PRELID2: variants seen among roughly 807,000 people sequenced by gnomAD.
The protein encoded by PRELID2 is PRELI domain containing 2.
Under a neutral mutation model 28.4 loss-of-function variants are expected in PRELID2, and 25 were observed. The ratio of observed to expected loss-of-function variants is 0.88; its 90% confidence interval spans 0.64 to 1.23. PRELID2 has a LOEUF of 1.23. PRELID2 is among the 50% of genes most tolerant of loss of function. The pLI is 0.00. For missense variants in PRELID2, 201 were observed against 214.4 expected (o/e 0.94, Z 0.39); for synonymous variants, 76 against 71.6 (o/e 1.06, Z -0.31).
chr5:145,724,157 C>T (rs1756065226), intron 1 of PRELID2, among the ~76,000 whole-genome samples: 1 of 152,050 alleles, frequency 6.6e-6, no homozygotes, highest in African/African-American at 2.4e-5. Context: ...AAATGGTTAT[C>T]GGCAGACTCG....
chr5:145,296,583 G>A, the PRELID2 span, among the ~76,000 whole-genome samples: 12 of 152,078 alleles, frequency 7.9e-5, no homozygotes, highest in African/African-American at 2.9e-4. Flanking sequence ...TCTTAATCCA[G>A]TCTATCATTG....
chr5:145,401,121 AC>A, the PRELID2 span, among the ~76,000 whole-genome samples: 1 of 152,174 alleles, frequency 6.6e-6, no homozygotes, highest in Non-Finnish European at 1.5e-5. Context: ...TTGAAGGGAT[AC>A]AGCCAAGAAC....
At chr5:145,257,304 T>A in the PRELID2 span, among the ~76,000 whole-genome samples, 8 of 150,360 alleles carry the variant, frequency 5.3e-5, no homozygotes, top group African/African-American at 2.0e-4. Flanking sequence ...GAATATTTTA[T>A]GAAAGTAGAT....
chr5:145,415,604 A>G, the PRELID2 span, among the ~76,000 whole-genome samples: 1 of 150,854 alleles, frequency 6.6e-6, no homozygotes, highest in African/African-American at 2.4e-5. Context: ...TACAAAGGAC[A>G]TGAACTCATC....
At chr5:145,613,653 C>A (rs1317066166) in intron 1 of PRELID2, among the ~76,000 whole-genome samples, 1 of 152,086 alleles carries the variant, frequency 6.6e-6, no homozygotes, top group African/African-American at 2.4e-5. Flanking sequence ...CTATTCTTAA[C>A]CCACTTCTTG....
In PRELID2 at chr5:145,692,232, T is replaced by C. The variant is rs1260263708; in HGVS notation, n.70+72699A>G. On this transcript the variant is annotated intron_variant and non_coding_transcript_variant, in intron 1 of 2. Coordinates refer to the PRELID2 transcript ENST00000510259. ...ACATAGTATGCTCAATTAATGCTTA[T>C]TGAGTTGATTGGTAAATAGATTTTA... is the stretch of plus-strand genomic sequence containing the variant. Among the ~76,000 whole-genome samples, 4 of 152,176 alleles carry C rather than the reference T, an allele frequency of 2.6e-5. No homozygotes were observed. The East Asian group carries it at 7.7e-4, about 29-fold the overall frequency.
At chr5:145,305,860 T>C in the PRELID2 span, among the ~76,000 whole-genome samples, 1 of 152,118 alleles carries the variant, frequency 6.6e-6, no homozygotes, top group African/African-American at 2.4e-5. Context: ...CTTCCCCACA[T>C]CTCTTACCCT....
the PRELID2 span, among the ~76,000 whole-genome samples, chr5:145,320,357 G>A: frequency 6.0e-5 from 9 of 150,920 alleles, no homozygotes; most frequent in Admixed American, 2.0e-4. Flanking sequence ...TGCAAGCTCC[G>A]CCTCACCGCT....
At chr5:145,565,994 G>A (rs757044206) in intron 1 of PRELID2, among the ~76,000 whole-genome samples, 10 of 152,308 alleles carry the variant, frequency 6.6e-5, no homozygotes, top group South Asian at 2.1e-4. Context: ...TCAACTCTAC[G>A]TGAAGCTCAT....
intron 1 of PRELID2, among the ~76,000 whole-genome samples, chr5:145,512,435 T>C (rs1198877779): frequency 6.6e-6 from 1 of 152,154 alleles, no homozygotes; most frequent in African/African-American, 2.4e-5. Context: ...GTAGCCAGAC[T>C]CCTCTCTAGA....
chr5:145,245,956 A>T, the PRELID2 span, among the ~76,000 whole-genome samples: 1 of 151,992 alleles, frequency 6.6e-6, no homozygotes, highest in African/African-American at 2.4e-5. Flanking sequence ...ATCTTCTAAG[A>T]ATCCTCTGGA....
intron 1 of PRELID2, among the ~76,000 whole-genome samples, chr5:145,492,557 T>C (rs1752278492): frequency 7.1e-6 from 1 of 141,752 alleles, no homozygotes; most frequent in Admixed American, 7.1e-5. Flanking sequence ...TTTTTATTAC[T>C]TGTGCTTTTG....
intron 1 of PRELID2, among the ~76,000 whole-genome samples, chr5:145,611,074 C>T (rs1006166275): frequency 2.1e-4 from 32 of 150,726 alleles, no homozygotes; most frequent in Admixed American, 9.3e-4. Context: ...GAAGTAAAAT[C>T]GTCATTAAAA....
chr5:145,244,516 G>A, the PRELID2 span, among the ~76,000 whole-genome samples: 4,115 of 152,018 alleles, frequency 0.027, 171 homozygotes, highest in African/African-American at 0.094. Context: ...GGAGGGAAAG[G>A]CTGTTATGAG....
the PRELID2 span, among the ~76,000 whole-genome samples, chr5:145,251,192 C>A: frequency 2.0e-5 from 3 of 152,206 alleles, no homozygotes; most frequent in Non-Finnish European, 4.4e-5. Context: ...ATAGGCAAGG[C>A]TCCTTCAGAT....
intron 1 of PRELID2, among the ~76,000 whole-genome samples, chr5:145,602,620 A>C (rs537478431): frequency 2.3e-4 from 35 of 152,232 alleles, no homozygotes; most frequent in Non-Finnish European, 4.4e-4. Context: ...AGAAACCATA[A>C]AAGTTGCCAT....
the PRELID2 span, among the ~76,000 whole-genome samples, chr5:145,304,911 A>C: frequency 6.6e-6 from 1 of 152,224 alleles, no homozygotes; most frequent in Non-Finnish European, 1.5e-5. Flanking sequence ...CTGATAGAAT[A>C]GGAACATAGT....
chr5:145,522,858 AAGG>A (rs1361407527), intron 1 of PRELID2, among the ~76,000 whole-genome samples: 1 of 151,962 alleles, frequency 6.6e-6, no homozygotes, highest in Non-Finnish European at 1.5e-5. Context: ...GAAAAAGAAG[AAGG>A]AGAAGAAAAA....
intron 1 of PRELID2, among the ~76,000 whole-genome samples, chr5:145,671,673 T>C (rs976181845): frequency 2.0e-5 from 3 of 152,300 alleles, no homozygotes; most frequent in East Asian, 1.9e-4. Context: ...TCAATTAGAA[T>C]GTTCTTTCCC....
Sources: gnomAD v4.1 joint callset for allele counts (sites outside exome capture counted in the v4.1 genomes callset) on GRCh38, gnomAD v4.1.1 for gene constraint, MANE v1.5 for transcripts, NCBI Gene and HGNC (gene_info 2026-07-23, HGNC 2026-07-21) for gene names.